The following NEK3 variants were observed in gnomAD, a reference collection of about 807,000 sequenced individuals.
NEK3 encodes serine/threonine-protein kinase Nek3.
Under a neutral mutation model 66.0 loss-of-function variants are expected in NEK3, and 54 were observed. That is an observed-to-expected ratio of 0.82 (90% CI 0.66 to 1.03). NEK3 has a LOEUF of 1.03. NEK3 is among the 50% of genes least tolerant of loss of function. NEK3 has a pLI of 0.00. For synonymous variants in NEK3, 200 were observed against 206.2 expected, an observed-to-expected ratio of 0.97 and a Z score of 0.26; for missense variants, 593 against 603.0, an observed-to-expected ratio of 0.98 and a Z score of 0.17.
chr13:52,133,646 C>T (rs1566847673), intron 15 of NEK3, 43 bp downstream of exon 15: 5 of 1,538,506 alleles, frequency 3.2e-6, no homozygotes, highest in South Asian at 2.4e-5. Context: ...CACACACACA[C>T]CCCCAACCCC....
At chr13:52,157,546 T>C (rs947153221) in intron 1 of NEK3, 1 of 152,248 alleles carries the variant, frequency 6.6e-6, no homozygotes, top group Non-Finnish European at 1.5e-5. Flanking sequence ...TTGCAGGGGT[T>C]GGGCAAAACA....
At chr13:52,152,541 G>T in intron 5 of NEK3, 68 bp downstream of exon 5, 1 of 938,764 alleles carries the variant, frequency 1.1e-6, no homozygotes. Context: ...AAAATGCATG[G>T]CATAACACAG....
chr13:52,159,109 T>C (rs1956421724), intron 1 of NEK3: 1 of 152,304 alleles, frequency 6.6e-6, no homozygotes, highest in South Asian at 2.1e-4. Context: ...CGCCCCCGAA[T>C]TCTCGGGGAG....
chr13:52,140,415 T>TG (rs1320232693), intron 11 of NEK3, among the ~76,000 whole-genome samples: 1 of 151,992 alleles, frequency 6.6e-6, no homozygotes, highest in Non-Finnish European at 1.5e-5. Context: ...GAGACCATCC[T>TG]GGCTAAAACA....
At chr13:52,145,049 G>A (rs1956283018) in intron 8 of NEK3, among the ~76,000 whole-genome samples, 158 bp from the exon 9 acceptor site, 1 of 152,044 alleles carries the variant, frequency 6.6e-6, no homozygotes, top group African/African-American at 2.4e-5. Flanking sequence ...ATAATCTTAA[G>A]GTGGCTTAGG....
In NEK3 at chr13:52,138,084, G is replaced by A. The variant is rs1480413243; in HGVS notation, c.928-1182C>T. ...TGCCCAGGCTGGAGTGCAGAGGTGC[G>A]ATCATAGCTCACTGCCCTCCTCAAC... On this transcript the variant is annotated intron_variant, in intron 11 of 15. Coordinates refer to ENST00000610828, the MANE Select transcript of NEK3 (RefSeq NM_002498.3). Among the ~76,000 whole-genome samples the A allele has an allele frequency of 3.3e-5, 5 of 152,276 alleles. No individual in the cohort carries two copies. The East Asian group carries it at 5.8e-4, about 18-fold the overall frequency.
At chr13:52,139,542 T>C (rs986735792) in intron 11 of NEK3, among the ~76,000 whole-genome samples, 9 of 152,134 alleles carry the variant, frequency 5.9e-5, no homozygotes, top group Admixed American at 5.9e-4. Context: ...CACCACTCAA[T>C]TGTACACTCA....
At chr13:52,135,648 T>A in intron 14 of NEK3, 81 bp downstream of exon 14, 1 of 1,295,286 alleles carries the variant, frequency 7.7e-7, no homozygotes, top group East Asian at 2.5e-5. Flanking sequence ...ATGGTTCAAA[T>A]GTAAATTTTA....
At chr13:52,139,728 A>G (rs1462757486) in intron 11 of NEK3, among the ~76,000 whole-genome samples, 1 of 151,928 alleles carries the variant, frequency 6.6e-6, no homozygotes, top group East Asian at 1.9e-4. Flanking sequence ...GCAAAACCCC[A>G]TCTCTACAAA....
In NEK3 at chr13:52,154,130, A is replaced by G. The variant is rs768303676; in HGVS notation, c.161T>C (p.Leu54Ser). 1 of 1,611,874 alleles carries G rather than the reference A, an allele frequency of 6.2e-7. No individual in the cohort carries two copies. The highest frequency in any genetic ancestry group is 8.5e-7 in the Non-Finnish European group (1 of 1,178,694). Residue 54 changes from leucine to serine, a missense_variant, in exon 3 of 16, where the codon TTA becomes TCA. Transcript: ENST00000610828. ...TQNSRKEAVL[L>S]AKMKHPNIVA... ...AATATTAGGGTGTTTCATTTTGGCT[A>G]AAAGAACAGCCTCCTTCCTAGAATT...
intron 7 of NEK3, among the ~76,000 whole-genome samples, chr13:52,150,662 C>CCTATCACAAGTG (rs77814301): frequency 0.6 from 90,701 of 151,700 alleles, 28,148 homozygotes; most frequent in Middle Eastern, 0.71. Flanking sequence ...AATCAACTTA[C>CCTATCACAAGTG]CTTATAATCT....
chr13:52,144,542 G>A (rs1956277540), intron 9 of NEK3, 149 bp downstream of exon 9: 2 of 645,830 alleles, frequency 3.1e-6, no homozygotes, highest in South Asian at 2.1e-5. Context: ...GGAAGAGGAA[G>A]GAAACGAAGT....
At chr13:52,136,045 C>T in intron 13 of NEK3, 71 bp downstream of exon 13, 1 of 1,574,784 alleles carries the variant, frequency 6.4e-7, no homozygotes, top group Non-Finnish European at 8.7e-7. Context: ...CATTAAAAGG[C>T]TCTAAGTGCA....
chr13:52,140,847 C>T (rs182188588), intron 11 of NEK3, among the ~76,000 whole-genome samples, 173 bp downstream of exon 11: 3 of 151,572 alleles, frequency 2.0e-5, no homozygotes, highest in Non-Finnish European at 1.5e-5. Flanking sequence ...TGAAGTCTCG[C>T]TCTTGTCGCC....
chr13:52,143,272 T>A (rs1407876723), intron 10 of NEK3, among the ~76,000 whole-genome samples: 1 of 151,442 alleles, frequency 6.6e-6, no homozygotes, highest in African/African-American at 2.4e-5. Flanking sequence ...GCCGAGATTG[T>A]GCCATTGCAC....
chr13:52,154,029 G>C (rs547989716), intron 3 of NEK3, 37 bp from the exon 4 acceptor site: 2 of 1,599,456 alleles, frequency 1.3e-6, no homozygotes, highest in South Asian at 1.1e-5. Flanking sequence ...AAGCTGTAGT[G>C]GCTATAAATC....
At chr13:52,149,753 C>T (rs1001807230) in intron 7 of NEK3, among the ~76,000 whole-genome samples, 1 of 151,922 alleles carries the variant, frequency 6.6e-6, no homozygotes, top group Non-Finnish European at 1.5e-5. Context: ...CCTGTAGTCC[C>T]AGCTACTCAG....
intron 9 of NEK3, 128 bp downstream of exon 9, chr13:52,144,563 T>A: frequency 1.3e-6 from 1 of 758,086 alleles, no homozygotes; most frequent in Non-Finnish European, 2.1e-6. Context: ...TTTAACTTTT[T>A]ATTTTTTAAT....
rs779113413 is a variant in NEK3 at position 52,148,427 on chromosome 13, G to T, written c.591C>A (p.Thr197=). 1.2e-6 allele frequency: 2 copies of T among 1,613,032 alleles called. No individual in the cohort carries two copies. Among genetic ancestry groups the T allele is most frequent in the Non-Finnish European group, 8.5e-7 (1 of 1,179,386 alleles). The change falls in exon 8 of 16, where the codon ACC becomes ACA. Residue 197 remains threonine, a synonymous_variant. Transcript: ENST00000610828. Reference sequence around the variant, plus strand: ...ACGCCATACTTACTGGATGCTTAAGGGTACAGAGTTCATACAGGATGCAAC... The same window carrying T: ...ACGCCATACTTACTGGATGCTTAAGTGTACAGAGTTCATACAGGATGCAAC... ...SLGCILYELC[T]LKHPFQANSW...
Sources: allele counts gnomAD v4.1 joint callset (sites outside exome capture counted in the v4.1 genomes callset), GRCh38; gene constraint gnomAD v4.1.1; transcripts MANE v1.5; gene names NCBI Gene and HGNC (gene_info 2026-07-23, HGNC 2026-07-21).